ABLIM1: variants seen among roughly 807,000 people sequenced by gnomAD.
The protein encoded by ABLIM1 is actin-binding LIM protein 1.
Under a neutral mutation model 107.0 loss-of-function variants are expected in ABLIM1, and 40 were observed. The observed-to-expected ratio is 0.37, with a 90% confidence interval of 0.29 to 0.49. ABLIM1 has a LOEUF of 0.49. Ranked by LOEUF, ABLIM1 falls within the 20% of genes least tolerant of loss-of-function variation. The pLI is 0.97. For missense variants in ABLIM1, 857 were observed against 1,008.5 expected (o/e 0.85, Z 2.04); for synonymous variants, 357 against 357.3 (o/e 1.00, Z 0.01).
chr10:114,609,105 T>C (rs949027091), intron 1 of ABLIM1, among the ~76,000 whole-genome samples: 1 of 152,230 alleles, frequency 6.6e-6, no homozygotes, highest in African/African-American at 2.4e-5. Context: ...ATGGCTCATG[T>C]CAGCTTTTTA....
chr10:114,590,506 G>A (rs1416055517), intron 2 of ABLIM1, among the ~76,000 whole-genome samples: 1 of 152,162 alleles, frequency 6.6e-6, no homozygotes, highest in South Asian at 2.1e-4. Context: ...TGTATACATA[G>A]TATTTCCTGA....
At chr10:114,455,917 A>G (rs1220443921) in intron 12 of ABLIM1, among the ~76,000 whole-genome samples, 2 of 149,946 alleles carry the variant, frequency 1.3e-5, no homozygotes, top group Non-Finnish European at 3.0e-5. Flanking sequence ...GGTTCACGCC[A>G]TTCTCCCGCC....
At chr10:114,598,422 T>TA (rs762910592) in intron 2 of ABLIM1, among the ~76,000 whole-genome samples, 3 of 150,394 alleles carry the variant, frequency 2.0e-5, no homozygotes, top group East Asian at 2.0e-4. Context: ...TCGTCTCTAC[T>TA]TAAAAAAATA....
intron 6 of ABLIM1, among the ~76,000 whole-genome samples, chr10:114,495,493 ATAG>A (rs1195574861): frequency 1.3e-5 from 2 of 151,936 alleles, no homozygotes; most frequent in Non-Finnish European, 1.5e-5. Context: ...GGTGATAATG[ATAG>A]TAGTGGTGAT....
chr10:114,503,184 G>C (rs973486441), intron 6 of ABLIM1, among the ~76,000 whole-genome samples: 1 of 152,164 alleles, frequency 6.6e-6, no homozygotes, highest in Non-Finnish European at 1.5e-5. Flanking sequence ...TCTGGGCATG[G>C]TGCCTCATGC....
At chr10:114,596,261 A>C (rs2075405068) in intron 2 of ABLIM1, among the ~76,000 whole-genome samples, 1 of 152,262 alleles carries the variant, frequency 6.6e-6, no homozygotes, top group African/African-American at 2.4e-5. Context: ...GCATCTCTCC[A>C]TCACAGGACT....
chr10:114,457,467 A>G (rs1231286198), intron 12 of ABLIM1, among the ~76,000 whole-genome samples: 1 of 152,014 alleles, frequency 6.6e-6, no homozygotes, highest in East Asian at 1.9e-4. Context: ...ACGGGGTTTC[A>G]TCATGTTGGC....
At chr10:114,727,366 C>T (rs1591897156) in intron 1 of ABLIM1, among the ~76,000 whole-genome samples, 1 of 152,190 alleles carries the variant, frequency 6.6e-6, no homozygotes, top group African/African-American at 2.4e-5. Context: ...AGATGTGAAA[C>T]AAATGCAAAA....
chr10:114,586,769 T>C (rs1328520492), intron 2 of ABLIM1, among the ~76,000 whole-genome samples: 1 of 152,250 alleles, frequency 6.6e-6, no homozygotes, highest in Non-Finnish European at 1.5e-5. Context: ...AAGATGATCA[T>C]GCTATTTTCC....
chr10:114,454,262 G>T (rs954251678), intron 12 of ABLIM1, among the ~76,000 whole-genome samples: 2 of 152,244 alleles, frequency 1.3e-5, no homozygotes, highest in Non-Finnish European at 2.9e-5. Context: ...GGGACTTAGA[G>T]GCTATCTAAG....
intron 2 of ABLIM1, among the ~76,000 whole-genome samples, chr10:114,591,645 T>C (rs1358971359): frequency 6.6e-6 from 1 of 152,186 alleles, no homozygotes; most frequent in Non-Finnish European, 1.5e-5. Flanking sequence ...TTCTTTCTCA[T>C]ACTTAACAAA....
At chr10:114,441,931 C>T (rs1304338170) in intron 17 of ABLIM1, 145 bp from the exon 18 acceptor site, 3 of 706,172 alleles carry the variant, frequency 4.2e-6, no homozygotes, top group Non-Finnish European at 4.8e-6. Context: ...AAAAATATGC[C>T]ATCATATTTG....
chr10:114,638,810 T>C (rs2078604602), intron 1 of ABLIM1, among the ~76,000 whole-genome samples: 1 of 152,194 alleles, frequency 6.6e-6, no homozygotes, highest in Admixed American at 6.5e-5. Context: ...CATCGGTTCT[T>C]GGACTTCATA....
intron 15 of ABLIM1, among the ~76,000 whole-genome samples, chr10:114,446,971 T>C (rs1461112886): frequency 6.6e-6 from 1 of 152,228 alleles, no homozygotes; most frequent in African/African-American, 2.4e-5. Flanking sequence ...ACTCTTTCTA[T>C]AAGTATCAAT....
At chr10:114,451,558 G>C in intron 14 of ABLIM1, 66 bp downstream of exon 14, 1 of 1,444,086 alleles carries the variant, frequency 6.9e-7, no homozygotes, top group South Asian at 1.1e-5. Context: ...GCCTTTCAGA[G>C]GACAGCAAGG....
the ABLIM1 span, among the ~76,000 whole-genome samples, chr10:114,780,809 T>A: frequency 2.0e-5 from 3 of 152,206 alleles, no homozygotes; most frequent in Non-Finnish European, 4.4e-5. Flanking sequence ...CCTAGGAGTT[T>A]GAGCCCTTAC....
At chr10:114,497,894 C>T (rs191035006) in intron 6 of ABLIM1, among the ~76,000 whole-genome samples, 1 of 152,260 alleles carries the variant, frequency 6.6e-6, no homozygotes, top group Admixed American at 6.5e-5. Flanking sequence ...AATCAGACAT[C>T]TGTAGTTATT....
At chr10:114,565,950 A>G (rs1463118294) in intron 4 of ABLIM1, among the ~76,000 whole-genome samples, 2 of 151,724 alleles carry the variant, frequency 1.3e-5, no homozygotes, top group Non-Finnish European at 2.9e-5. Flanking sequence ...GCCCGCCACC[A>G]TGCCTCGCTA....
chr10:114,769,471 GAAAGAA>G (rs2082993499), upstream of ABLIM1, among the ~76,000 whole-genome samples: 2 of 99,746 alleles, frequency 2.0e-5, no homozygotes, highest in Admixed American at 9.6e-5. Flanking sequence ...AAGAAAGAAA[GAAAGAA>G]AGAGAAAGAA....
Sources: allele counts gnomAD v4.1 joint callset (sites outside exome capture counted in the v4.1 genomes callset), GRCh38; gene constraint gnomAD v4.1.1; transcripts MANE v1.5; gene names NCBI Gene and HGNC (gene_info 2026-07-23, HGNC 2026-07-21).